Variants in ST18 observed in about 807,000 individuals in gnomAD.
ST18 encodes the protein suppression of tumorigenicity 18 protein.
Under a neutral mutation model 110.0 loss-of-function variants are expected in ST18, and 50 were observed. That is an observed-to-expected ratio of 0.45 (90% CI 0.36 to 0.58). ST18 has a LOEUF of 0.58. Ranked by LOEUF, ST18 falls within the 20% of genes least tolerant of loss-of-function variation. ST18 has a pLI of 0.00. For missense variants in ST18, 1,306 were observed against 1,280.1 expected, an observed-to-expected ratio of 1.02 and a Z score of -0.31; for synonymous variants, 461 against 452.4, an observed-to-expected ratio of 1.02 and a Z score of -0.24.
At chr8:52,240,668 T>C (rs1051856964) in intron 2 of ST18, among the ~76,000 whole-genome samples, 1 of 152,192 alleles carries the variant, frequency 6.6e-6, no homozygotes, top group Non-Finnish European at 1.5e-5. Flanking sequence ...ACTATCTCTG[T>C]TTTTCAGGGT....
At chr8:52,371,028 A>G (rs1014722989) in intron 2 of ST18, among the ~76,000 whole-genome samples, 1 of 152,216 alleles carries the variant, frequency 6.6e-6, no homozygotes, top group East Asian at 1.9e-4. Flanking sequence ...GACAACACTT[A>G]TGTGCCTGCT....
rs1159692587 is a variant in ST18 at position 52,236,983 on chromosome 8, G to A, written c.-464-6906C>T. On this transcript the variant is annotated intron_variant, in intron 2 of 25. Coordinates refer to ENST00000689386, the MANE Select transcript of ST18 (RefSeq NM_001352837.2). The stretch of plus-strand genomic sequence containing the variant: ...TGTCTCTCAAGTAACACCAACCTAC[G>A]TTTGAATCCTAACTCTGCTCTTCTG... 3.3e-5 allele frequency among the ~76,000 whole-genome samples: 5 copies of A among 152,184 alleles called. No homozygotes were observed. The East Asian group carries it at 5.8e-4, about 18-fold the overall frequency.
At chr8:52,220,655 G>A (rs1344553258) in intron 5 of ST18, 86 bp downstream of exon 5, 1 of 152,108 alleles carries the variant, frequency 6.6e-6, no homozygotes, top group African/African-American at 2.4e-5. Flanking sequence ...AGCTGTTGTA[G>A]AGGAGAGCTT....
At chr8:52,270,913 T>G (rs1380036961) in intron 2 of ST18, among the ~76,000 whole-genome samples, 1 of 151,096 alleles carries the variant, frequency 6.6e-6, no homozygotes, top group Non-Finnish European at 1.5e-5. Flanking sequence ...TAAGTTTTGT[T>G]TTTTTTTTTG....
intron 2 of ST18, among the ~76,000 whole-genome samples, chr8:52,380,727 CT>C (rs1834211200): frequency 6.6e-6 from 1 of 152,120 alleles, no homozygotes; most frequent in African/African-American, 2.4e-5. Flanking sequence ...AAGTATTAAT[CT>C]CCTCCTAGAG....
chr8:52,191,289 AG>A (rs2074383601), intron 8 of ST18, among the ~76,000 whole-genome samples: 1 of 152,244 alleles, frequency 6.6e-6, no homozygotes, highest in Admixed American at 6.5e-5. Flanking sequence ...TGTGCAGCAA[AG>A]AATTATGCAC....
At chr8:52,388,619 C>T (rs1837839589) in intron 2 of ST18, among the ~76,000 whole-genome samples, 1 of 151,850 alleles carries the variant, frequency 6.6e-6, no homozygotes, top group South Asian at 2.1e-4. Context: ...CGCACGATGG[C>T]GTAACGGTCA....
At chr8:52,367,707 C>T (rs551429569) in intron 2 of ST18, among the ~76,000 whole-genome samples, 3 of 152,144 alleles carry the variant, frequency 2.0e-5, no homozygotes, top group African/African-American at 7.2e-5. Context: ...GACCTTATTG[C>T]GACCAATTAA....
intron 2 of ST18, among the ~76,000 whole-genome samples, chr8:52,343,974 C>T (rs1364931394): frequency 6.6e-6 from 1 of 152,042 alleles, no homozygotes; most frequent in Non-Finnish European, 1.5e-5. Context: ...AAAAAATTAC[C>T]ATTTTATGCA....
At chr8:52,228,898 T>C (rs578164087) in intron 3 of ST18, among the ~76,000 whole-genome samples, 1 of 152,246 alleles carries the variant, frequency 6.6e-6, no homozygotes, top group South Asian at 2.1e-4. Flanking sequence ...TAGGTAAACA[T>C]GGACTCACTA....
chr8:52,357,676 AATATATATATATATATAT>A (rs71252934), intron 2 of ST18, among the ~76,000 whole-genome samples: 655 of 38,440 alleles, frequency 0.017, 14 homozygotes, highest in Non-Finnish European at 0.019. Flanking sequence ...AAAATCTATA[AATATATATATATATATAT>A]ATATATATAT....
chr8:52,213,587 G>T (rs369141813), intron 7 of ST18, among the ~76,000 whole-genome samples: 1 of 152,120 alleles, frequency 6.6e-6, no homozygotes, highest in Non-Finnish European at 1.5e-5. Flanking sequence ...TCCTTAAGGG[G>T]TATTATTGCC....
At chr8:52,357,161 T>C (rs1389768447) in intron 2 of ST18, among the ~76,000 whole-genome samples, 2 of 152,160 alleles carry the variant, frequency 1.3e-5, no homozygotes, top group African/African-American at 4.8e-5. Context: ...TGTGAAATGA[T>C]CACATCACGG....
At chr8:52,347,898 A>G (rs1263467448) in intron 2 of ST18, among the ~76,000 whole-genome samples, 1 of 152,218 alleles carries the variant, frequency 6.6e-6, no homozygotes, top group Non-Finnish European at 1.5e-5. Flanking sequence ...AGTGCCAGGC[A>G]CTAATCCAAT....
At chr8:52,407,652 T>C (rs1481357855) in intron 2 of ST18, 1 of 152,166 alleles carries the variant, frequency 6.6e-6, no homozygotes, top group Non-Finnish European at 1.5e-5. Context: ...GATTAGCATG[T>C]TTGGGGAGTT....
At chr8:52,369,106 G>T (rs1223986833) in intron 2 of ST18, among the ~76,000 whole-genome samples, 2 of 152,168 alleles carry the variant, frequency 1.3e-5, no homozygotes, top group Non-Finnish European at 2.9e-5. Context: ...GATATCAAAA[G>T]ATATGCACTA....
chr8:52,281,387 T>C (rs1009960265), intron 2 of ST18, among the ~76,000 whole-genome samples: 1 of 152,078 alleles, frequency 6.6e-6, no homozygotes, highest in African/African-American at 2.4e-5. Context: ...AAGTCAAGCA[T>C]TGTTCGAAGA....
chr8:52,378,598 G>A (rs993540126), intron 2 of ST18, among the ~76,000 whole-genome samples: 13 of 152,154 alleles, frequency 8.5e-5, no homozygotes, highest in Admixed American at 7.2e-4. Flanking sequence ...ATCTTCAGGT[G>A]TGCATTTAAT....
chr8:52,291,844 G>T (rs1010052837), intron 2 of ST18, among the ~76,000 whole-genome samples: 16 of 151,904 alleles, frequency 1.1e-4, no homozygotes, highest in Non-Finnish European at 1.8e-4. Context: ...GCAAGAACAT[G>T]GCTCACTGCA....
Sources: gnomAD v4.1 joint callset for allele counts (sites outside exome capture counted in the v4.1 genomes callset) on GRCh38, gnomAD v4.1.1 for gene constraint, MANE v1.5 for transcripts, NCBI Gene and HGNC (gene_info 2026-07-23, HGNC 2026-07-21) for gene names.